Variants in HS1BP3 observed in about 807,000 individuals in gnomAD.
The protein encoded by HS1BP3 is HCLS1-binding protein 3.
A neutral mutation model predicts 33.5 loss-of-function variants in HS1BP3; 32 were observed. The ratio of observed to expected loss-of-function variants is 0.95; its 90% CI spans 0.72 to 1.28. HS1BP3 has a LOEUF of 1.28. HS1BP3 is among the 50% of genes most tolerant of loss of function. The pLI is 0.00. For missense variants in HS1BP3, 486 were observed against 502.3 expected, an observed-to-expected ratio of 0.97 and a Z score of 0.31; for synonymous variants, 187 against 209.2, an observed-to-expected ratio of 0.89 and a Z score of 0.92.
chr2:20,608,280 A>G (rs1485761892), intron 2 of HS1BP3, among the ~76,000 whole-genome samples: 1 of 152,144 alleles, frequency 6.6e-6, no homozygotes, highest in Admixed American at 6.5e-5. Flanking sequence ...ATTGCATAGA[A>G]GTAGCAGAAA....
chr2:20,596,420 T>G (rs901838098), intron 3 of HS1BP3, among the ~76,000 whole-genome samples: 1 of 152,194 alleles, frequency 6.6e-6, no homozygotes, highest in Non-Finnish European at 1.5e-5. Flanking sequence ...AAAGCTCTCA[T>G]GAATAGGATT....
In HS1BP3 at chr2:20,624,912, G is replaced by C; in HGVS notation, c.624-20C>G. Reference sequence around the variant, plus strand: ...TTGGAGCTGGAGAATCACAGACAAAGCACAAGGTGAGGATTTCCCACAAGT... The same window carrying C: ...TTGGAGCTGGAGAATCACAGACAAACCACAAGGTGAGGATTTCCCACAAGT... On this transcript the variant is annotated intron_variant, in intron 4 of 6. Transcript: ENST00000304031. 6.2e-7 allele frequency: 1 copy of C among 1,613,152 alleles called. No homozygotes were observed. Among genetic ancestry groups the C allele is most frequent in the Non-Finnish European group, 8.5e-7 (1 of 1,179,896 alleles).
chr2:20,597,002 C>T (rs1387402930), intron 3 of HS1BP3, among the ~76,000 whole-genome samples: 1 of 152,194 alleles, frequency 6.6e-6, no homozygotes, highest in Non-Finnish European at 1.5e-5. Context: ...CCATTAAGGC[C>T]ACATAAAAGG....
rs1694320316 is a variant in HS1BP3, at chr2:20,611,621, T to G, written c.178+12275A>C. On this transcript the variant is annotated intron_variant, in intron 2 of 3. Transcript: ENST00000415264. This position sits in a 1 kb window ranked among gnomAD's most constrained non-coding sequence, Gnocchi z 4.9. ...CCTTGTCAGAATGGCTCATTTCCAG[T>G]TCGTTCCATCTACCCTCCCTTTGGT... Among the ~76,000 whole-genome samples the G allele has an allele frequency of 6.6e-6, 1 of 152,162 alleles. No individual in the cohort carries two copies. The highest frequency in any genetic ancestry group is 1.5e-5 in the Non-Finnish European group (1 of 68,012).
At chr2:20,619,449 T>G (rs1694526903) in intron 6 of HS1BP3, among the ~76,000 whole-genome samples, 1 of 151,810 alleles carries the variant, frequency 6.6e-6, no homozygotes, top group Non-Finnish European at 1.5e-5. Flanking sequence ...AGGCCAGGGC[T>G]CTCCTTCCCT....
Position 20,650,993 on chromosome 2 carries a change from T to C in HS1BP3, c.32+39A>G, listed in dbSNP as rs569710214. ...GCCTCTCCGCCCGGGCGCCCCGGAC[T>C]GCGAGCTGTGCGGTGTGGGGCGCGG... is the stretch of plus-strand genomic sequence containing the variant. On this transcript the variant is annotated intron_variant, in intron 1 of 6. Coordinates refer to ENST00000304031, the MANE Select transcript of HS1BP3 (RefSeq NM_022460.4). 447 of 1,233,054 alleles carry C rather than the reference T, an allele frequency of 3.6e-4. 1 individual carries two copies. In the African/African-American group the frequency reaches 5.4e-3, roughly 15 times the overall value. 76.4% of individuals were successfully genotyped at this position (1,233,054 alleles called of 1,614,324 possible).
At chr2:20,619,696 G>A (rs1219794707) in intron 6 of HS1BP3, among the ~76,000 whole-genome samples, 2 of 152,366 alleles carry the variant, frequency 1.3e-5, no homozygotes, top group African/African-American at 2.4e-5. Flanking sequence ...CTTCCATCAC[G>A]CAGATGAGGA....
intron 2 of HS1BP3, among the ~76,000 whole-genome samples, chr2:20,642,468 G>T (rs1695384117): frequency 6.6e-6 from 1 of 152,208 alleles, no homozygotes; most frequent in Admixed American, 6.5e-5. Flanking sequence ...AGCCCTCAGG[G>T]AAAGGCACAC....
chr2:20,603,577 G>C (rs978526370), intron 2 of HS1BP3, among the ~76,000 whole-genome samples: 2 of 152,214 alleles, frequency 1.3e-5, no homozygotes, highest in Non-Finnish European at 2.9e-5. Context: ...ATTGCTTAAC[G>C]TTGAGGGGAT....
chr2:20,650,074 G>A (rs1360915961), intron 1 of HS1BP3, among the ~76,000 whole-genome samples: 1 of 152,158 alleles, frequency 6.6e-6, no homozygotes, highest in Non-Finnish European at 1.5e-5. Flanking sequence ...AGATACAACT[G>A]TAACCACACT....
intron 2 of HS1BP3, among the ~76,000 whole-genome samples, chr2:20,598,509 C>T (rs1693993955): frequency 1.4e-5 from 2 of 148,062 alleles, no homozygotes; most frequent in Admixed American, 6.7e-5. Flanking sequence ...CTGTGCAGCC[C>T]GGTTCCTAAC....
chr2:20,633,348 G>C (rs1461671274), intron 4 of HS1BP3, among the ~76,000 whole-genome samples: 1 of 152,220 alleles, frequency 6.6e-6, no homozygotes, highest in African/African-American at 2.4e-5. Context: ...GTCCCAACCA[G>C]GGGAAATCCT....
At chr2:20,604,133 A>T (rs1479375079) in intron 2 of HS1BP3, among the ~76,000 whole-genome samples, 1 of 152,256 alleles carries the variant, frequency 6.6e-6, no homozygotes, top group Non-Finnish European at 1.5e-5. Context: ...ATAACAATTC[A>T]TCAGACCTTA....
intron 2 of HS1BP3, chr2:20,606,169 A>G (rs1039648720): frequency 1.1e-5 from 2 of 184,396 alleles, no homozygotes; most frequent in Admixed American, 1.2e-4. Context: ...TGGGTATCTC[A>G]TTGTGGTTTT....
chr2:20,576,662 G>T (rs1196456069), intron 5 of HS1BP3, among the ~76,000 whole-genome samples: 1 of 152,244 alleles, frequency 6.6e-6, no homozygotes, highest in Non-Finnish European at 1.5e-5. Flanking sequence ...ACCCCCAGAA[G>T]TTCTGAGAGA....
chr2:20,571,702 C>T lies in HS1BP3; in HGVS notation c.303-11187G>A, dbSNP rs529302043. ...TCCTGGCCCATGGGTACTTCTGTGC[C>T]CCTGCCTTGGGCCCATGCTCACCAG... On this transcript the variant is annotated intron_variant, in intron 5 of 5. Coordinates refer to the HS1BP3 transcript ENST00000446825. Among the ~76,000 whole-genome samples, 10 of 152,306 alleles carry T rather than the reference C, an allele frequency of 6.6e-5. No homozygotes were observed. The South Asian group carries it at 1.9e-3, about 28-fold the overall frequency.
At chr2:20,614,080 AAGACAC>A (rs1375552006), downstream of HS1BP3, among the ~76,000 whole-genome samples, 1 of 152,232 alleles carries the variant, frequency 6.6e-6, no homozygotes, top group South Asian at 2.1e-4. Flanking sequence ...ACACCGTGTG[AAGACAC>A]AGACACAGAG....
At chr2:20,595,438 C>A (rs149304537) in intron 3 of HS1BP3, among the ~76,000 whole-genome samples, 7 of 152,320 alleles carry the variant, frequency 4.6e-5, no homozygotes, top group African/African-American at 1.7e-4. Context: ...CACAGTGACT[C>A]CTGCTCTAAC....
chr2:20,606,622 GTCTT>G (rs1478511786), intron 2 of HS1BP3: 4 of 478,912 alleles, frequency 8.4e-6, no homozygotes, highest in African/African-American at 7.9e-5. Flanking sequence ...ACTTTCCAGC[GTCTT>G]TCTTCTTCTT....
Sources: allele counts gnomAD v4.1 joint callset (sites outside exome capture counted in the v4.1 genomes callset), GRCh38; gene constraint gnomAD v4.1.1; non-coding constraint Gnocchi (gnomAD v3.1); transcripts MANE v1.5; gene names NCBI Gene and HGNC (gene_info 2026-07-23, HGNC 2026-07-21).